Variants in SLC39A11 observed in about 807,000 individuals in gnomAD.
The protein encoded by SLC39A11 is zinc transporter ZIP11.
Under a neutral mutation model 36.1 loss-of-function variants are expected in SLC39A11, and 33 were observed. That is an observed-to-expected ratio of 0.91 (90% CI 0.69 to 1.22). The LOEUF (loss-of-function observed/expected upper bound fraction) is 1.22. Among genes scored for constraint, SLC39A11 ranks in the 50% most tolerant of loss-of-function variants. The pLI is 0.00. For synonymous variants in SLC39A11, 166 were observed against 170.3 expected, an observed-to-expected ratio of 0.97 and a Z score of 0.20; for missense variants, 432 against 430.3, an observed-to-expected ratio of 1.00 and a Z score of -0.03.
intron 7 of SLC39A11, among the ~76,000 whole-genome samples, chr17:72,716,523 G>T (rs774828648): frequency 4.6e-5 from 7 of 151,730 alleles, no homozygotes; most frequent in Admixed American, 4.6e-4. Context: ...AGGGAAAGCC[G>T]CCGCTCTTCT....
intron 4 of SLC39A11, among the ~76,000 whole-genome samples, chr17:73,021,247 T>A (rs2058342136): frequency 6.6e-6 from 1 of 152,074 alleles, no homozygotes; most frequent in Non-Finnish European, 1.5e-5. Context: ...AGGGGTACGG[T>A]TATAAGCAAG....
intron 7 of SLC39A11, among the ~76,000 whole-genome samples, chr17:72,659,574 CTTTTTTTTT>C (rs34383683): frequency 6.5e-5 from 4 of 61,202 alleles, no homozygotes; most frequent in African/African-American, 1.8e-4. Context: ...CTCTGTGACT[CTTTTTTTTT>C]TTTTTTTTTT....
intron 6 of SLC39A11, among the ~76,000 whole-genome samples, chr17:72,814,124 A>G (rs924918837): frequency 6.6e-6 from 1 of 152,208 alleles, no homozygotes; most frequent in Non-Finnish European, 1.5e-5. Context: ...TAATTAAACA[A>G]GATTACACAC....
chr17:72,722,738 G>A (rs980051249), intron 7 of SLC39A11, among the ~76,000 whole-genome samples: 1 of 151,930 alleles, frequency 6.6e-6, no homozygotes, highest in Non-Finnish European at 1.5e-5. Context: ...GGGTTCAAGC[G>A]ATTCTCCTGC....
rs1203071691 is a variant in SLC39A11, at chr17:72,991,268, C to G, written c.306+40288G>C. Among the ~76,000 whole-genome samples the G allele has an allele frequency of 2.6e-5, 4 of 152,104 alleles. No individual in the cohort carries two copies. In the East Asian group the frequency reaches 7.7e-4, roughly 29 times the overall value. ...TATTTTTATATGTCTACAAAAAATT[C>G]ACACTATTATTTTATACAATTTCAA... On this transcript the variant is annotated intron_variant, in intron 4 of 9. Transcript: ENST00000255559.
intron 5 of SLC39A11, among the ~76,000 whole-genome samples, chr17:72,877,253 G>A (rs1431755034): frequency 6.6e-6 from 1 of 152,198 alleles, no homozygotes; most frequent in African/African-American, 2.4e-5. Context: ...AAGGCTTTGT[G>A]ATCAAATGTT....
intron 4 of SLC39A11, among the ~76,000 whole-genome samples, chr17:72,980,419 G>C (rs1208907254): frequency 6.6e-6 from 1 of 152,192 alleles, no homozygotes; most frequent in African/African-American, 2.4e-5. Context: ...GATAGATGGA[G>C]TGGTGAGCTT....
At chr17:72,769,244 C>G (rs1317038881) in intron 6 of SLC39A11, among the ~76,000 whole-genome samples, 1 of 152,194 alleles carries the variant, frequency 6.6e-6, no homozygotes, top group Non-Finnish European at 1.5e-5. Context: ...GCCCTTTACC[C>G]TTCCACGGCA....
At chr17:72,964,759 C>T (rs930821468) in intron 4 of SLC39A11, among the ~76,000 whole-genome samples, 3 of 152,148 alleles carry the variant, frequency 2.0e-5, no homozygotes, top group East Asian at 3.8e-4. Flanking sequence ...TGGGTATATA[C>T]CCAAAGGACT....
At chr17:72,687,571 G>A (rs2071818394) in intron 7 of SLC39A11, among the ~76,000 whole-genome samples, 1 of 152,124 alleles carries the variant, frequency 6.6e-6, no homozygotes, top group Non-Finnish European at 1.5e-5. Context: ...ACAGATGAGA[G>A]CAAAGCTTTG....
At position 72,892,143 on chromosome 17, in the gene SLC39A11, G is replaced by A. The variant is rs1021066164; in HGVS notation, c.431-42339C>T. 5.9e-5 allele frequency among the ~76,000 whole-genome samples: 9 copies of A among 152,212 alleles called. No homozygotes were observed. In the East Asian group the frequency reaches 7.7e-4, roughly 13 times the overall value. On this transcript the variant is annotated intron_variant, in intron 5 of 9. Transcript: ENST00000255559. ...TATAAAAAGTTATTAGAGGCTGGGC[G>A]CAGTGGCTCACACCTGTAATCTGGG...
At chr17:72,960,786 A>C in intron 4 of SLC39A11, among the ~76,000 whole-genome samples, 1 of 152,136 alleles carries the variant, frequency 6.6e-6, no homozygotes. Flanking sequence ...ACTCCTGCCA[A>C]GCAACATAGT....
At chr17:72,863,970 C>G (rs2080176386) in intron 5 of SLC39A11, among the ~76,000 whole-genome samples, 2 of 152,336 alleles carry the variant, frequency 1.3e-5, no homozygotes, top group African/African-American at 2.4e-5. Context: ...TAAAACATCT[C>G]TAAAGTTGAG....
chr17:72,710,100 C>T (rs1037162730), intron 7 of SLC39A11, among the ~76,000 whole-genome samples: 1 of 152,178 alleles, frequency 6.6e-6, no homozygotes, highest in Non-Finnish European at 1.5e-5. Flanking sequence ...CTTAATTTCC[C>T]TCTTCGTCCT....
chr17:72,945,441 G>A (rs1011041304), intron 5 of SLC39A11, among the ~76,000 whole-genome samples: 1 of 152,290 alleles, frequency 6.6e-6, no homozygotes, highest in Non-Finnish European at 1.5e-5. Context: ...AAATCCAGAT[G>A]GTACAAATAA....
At chr17:73,090,450 G>C (rs1024891171) in intron 1 of SLC39A11, among the ~76,000 whole-genome samples, 1 of 152,118 alleles carries the variant, frequency 6.6e-6, no homozygotes, top group Non-Finnish European at 1.5e-5. Context: ...CCGTCATCTT[G>C]CTAAGCCACC....
At chr17:73,069,774 G>A in intron 3 of SLC39A11, among the ~76,000 whole-genome samples, 1 of 152,280 alleles carries the variant, frequency 6.6e-6, no homozygotes, top group Middle Eastern at 3.4e-3. Context: ...TACTCAGTAA[G>A]TGCTTTTTCA....
intron 7 of SLC39A11, among the ~76,000 whole-genome samples, chr17:72,708,996 C>T (rs1194191784): frequency 6.6e-6 from 1 of 151,054 alleles, no homozygotes; most frequent in South Asian, 2.1e-4. Flanking sequence ...AGTGCAGTGA[C>T]GCGATCTCGG....
chr17:72,850,352 G>A (rs2079249351), intron 5 of SLC39A11, among the ~76,000 whole-genome samples: 1 of 152,000 alleles, frequency 6.6e-6, no homozygotes, highest in African/African-American at 2.4e-5. Flanking sequence ...TACTTGGGAG[G>A]CTGAGATGGG....
Sources: gnomAD v4.1 joint callset for allele counts (sites outside exome capture counted in the v4.1 genomes callset) on GRCh38, gnomAD v4.1.1 for gene constraint, MANE v1.5 for transcripts, NCBI Gene and HGNC (gene_info 2026-07-23, HGNC 2026-07-21) for gene names.